Variants in EIF3K observed in about 807,000 individuals in gnomAD.
EIF3K encodes eIF-3 p28.
A neutral mutation model predicts 34.2 loss-of-function variants in EIF3K; 27 were observed. The ratio of observed to expected loss-of-function variants is 0.79; its 90% CI spans 0.58 to 1.09. The LOEUF is 1.09. Among genes scored for constraint, EIF3K ranks in the 50% least tolerant of loss-of-function variants. EIF3K has a pLI of 0.00. For synonymous variants in EIF3K, 105 were observed against 105.7 expected (o/e 0.99, Z 0.04); for missense variants, 232 against 275.4 (o/e 0.84, Z 1.11).
At chr19:38,630,362 T>C (rs1445426578) in intron 4 of EIF3K, among the ~76,000 whole-genome samples, 3 of 149,356 alleles carry the variant, frequency 2.0e-5, no homozygotes. Flanking sequence ...TTTTTTTTTT[T>C]GAGATGGAGT....
At chr19:38,631,189 A>G (rs1459674725) in intron 4 of EIF3K, among the ~76,000 whole-genome samples, 1 of 152,164 alleles carries the variant, frequency 6.6e-6, no homozygotes, top group African/African-American at 2.4e-5. Context: ...CGTTAGGTGG[A>G]ATGAGAGACT....
intron 4 of EIF3K, among the ~76,000 whole-genome samples, chr19:38,630,343 A>ATTTT (rs200889380): frequency 1.7e-4 from 22 of 131,768 alleles, no homozygotes; most frequent in South Asian, 5.0e-4. Context: ...TTATTTATTT[A>ATTTT]TTTATTTTTT....
At chr19:38,624,012 G>A (rs1975896172) in intron 2 of EIF3K, 65 bp from the exon 3 acceptor site, 1 of 1,608,486 alleles carries the variant, frequency 6.2e-7, no homozygotes, top group Non-Finnish European at 8.5e-7. Context: ...CAGCTGCCTG[G>A]CACCTGGTGA....
intron 2 of EIF3K, among the ~76,000 whole-genome samples, chr19:38,623,622 T>C (rs1267029855): frequency 2.8e-5 from 4 of 143,702 alleles, no homozygotes; most frequent in Non-Finnish European, 4.6e-5. Context: ...CGCCACCTTC[T>C]GTTGTCCTCT....
intron 2 of EIF3K, among the ~76,000 whole-genome samples, chr19:38,621,201 A>T (rs1283927074): frequency 7.1e-6 from 1 of 140,284 alleles, no homozygotes; most frequent in Non-Finnish European, 1.6e-5. Flanking sequence ...TCTTTTTAAA[A>T]AAAAAAAAAA....
chr19:38,624,142 C>T lies in EIF3K; in HGVS notation c.224C>T (p.Thr75Ile). The T allele has an allele frequency of 1.2e-6, 2 of 1,614,202 alleles. No homozygotes were observed. Among genetic ancestry groups the T allele is most frequent in the Non-Finnish European group, 1.7e-6 (2 of 1,180,032 alleles). ...VTAQILLKAL[T>I]NLPHTDFTLC... ...GCCCAGATCCTGCTGAAGGCCCTCA[C>T]CAACTTGCCGCACACAGACTTCACC... Residue 75 changes from threonine to isoleucine, a missense_variant, in exon 3 of 8, where the codon ACC (threonine) becomes ATC (isoleucine). Coordinates refer to ENST00000248342, the MANE Select transcript of EIF3K (RefSeq NM_013234.4).
chr19:38,632,031 C>T (rs148778255), intron 4 of EIF3K: 6,539 of 203,102 alleles, frequency 0.032, 148 homozygotes, highest in Admixed American at 0.07. Flanking sequence ...AATGGAGTCT[C>T]CTGTGTCTAC....
chr19:38,620,272 C>A, intron 1 of EIF3K, 65 bp from the exon 2 acceptor site: 4 of 1,405,752 alleles, frequency 2.8e-6, no homozygotes, highest in East Asian at 2.4e-5. Flanking sequence ...TGGCCCCTTG[C>A]TCCATAAGGT....
intron 7 of EIF3K, among the ~76,000 whole-genome samples, chr19:38,636,464 C>A (rs1019849127): frequency 6.6e-6 from 1 of 152,130 alleles, no homozygotes; most frequent in African/African-American, 2.4e-5. Flanking sequence ...GCCTGGGCAA[C>A]AGAATGAGAC....
At chr19:38,634,659 A>G (rs1599741060) in intron 6 of EIF3K, among the ~76,000 whole-genome samples, 1 of 152,258 alleles carries the variant, frequency 6.6e-6, no homozygotes, top group African/African-American at 2.4e-5. Flanking sequence ...CAACCGTTTC[A>G]TATAGGTTGT....
chr19:38,632,285 G>T (rs1347487529), intron 4 of EIF3K, 145 bp from the exon 5 acceptor site: 13 of 718,964 alleles, frequency 1.8e-5, no homozygotes, highest in South Asian at 7.1e-5. Context: ...TAGCACTTTG[G>T]GGGGCTGAGG....
intron 2 of EIF3K, among the ~76,000 whole-genome samples, chr19:38,621,900 GC>G: frequency 7.1e-6 from 1 of 141,364 alleles, no homozygotes; most frequent in African/African-American, 2.7e-5. Context: ...GGTTCTTCGT[GC>G]CCTTTTTTTT....
At position 38,620,500 on chromosome 19, in the gene EIF3K, A is replaced by G. The variant is rs939228147; in HGVS notation, c.158+65A>G. On this transcript the variant is annotated intron_variant, in intron 2 of 7. Coordinates refer to ENST00000248342, the MANE Select transcript of EIF3K (RefSeq NM_013234.4). The stretch of plus-strand genomic sequence containing the variant: ...ACTAGCAGGGTGCCACTCCCAGTAC[A>G]GGGCAAGGGGGTGGCTGGTAGTATC... 2.2e-5 allele frequency: 31 copies of G among 1,382,632 alleles called. No individual in the cohort carries two copies. The South Asian group carries it at 3.6e-4, about 16-fold the overall frequency. 85.6% of individuals were successfully genotyped at this position (1,382,632 alleles called of 1,614,324 possible). A position where few individuals can be genotyped will look rare whatever the true frequency, so the allele number is the denominator to read the frequency against.
chr19:38,620,362 C>G lies in EIF3K; in HGVS notation c.85C>G (p.Leu29Val). The G allele has an allele frequency of 6.2e-7, 1 of 1,614,042 alleles. No homozygotes were observed. The highest frequency in any genetic ancestry group is 8.5e-7 in the Non-Finnish European group (1 of 1,179,998). ...GTACAATCCTGAGAACCTGGCCACC[C>G]TGGAGCGCTATGTAGAGACGCAGGC... ...DRYNPENLAT[L>V]ERYVETQAKE... is the part of the protein sequence containing the mutation. The change falls in exon 2 of 8, where the codon CTG becomes GTG. Residue 29 changes from leucine to valine, a missense_variant. Coordinates refer to ENST00000248342, the MANE Select transcript of EIF3K (RefSeq NM_013234.4).
chr19:38,626,883 T>C (rs1292220219), intron 4 of EIF3K, among the ~76,000 whole-genome samples: 1 of 152,230 alleles, frequency 6.6e-6, no homozygotes, highest in African/African-American at 2.4e-5. Context: ...CTTGGCTCAC[T>C]GCAACCTCTG....
chr19:38,622,130 CCTT>C (rs1305542836), intron 2 of EIF3K, among the ~76,000 whole-genome samples: 10 of 149,772 alleles, frequency 6.7e-5, no homozygotes, highest in African/African-American at 2.0e-4. Flanking sequence ...CAGGGTCTCA[CCTT>C]CTTGCCCAGG....
At chr19:38,626,763 A>G (rs934347902) in intron 4 of EIF3K, among the ~76,000 whole-genome samples, 4 of 151,984 alleles carry the variant, frequency 2.6e-5, no homozygotes, top group South Asian at 2.1e-4. Flanking sequence ...CCTGGCTCCT[A>G]TCTCTTCTGA....
intron 3 of EIF3K, among the ~76,000 whole-genome samples, chr19:38,625,009 G>C (rs975031968): frequency 1.3e-5 from 2 of 152,046 alleles, no homozygotes; most frequent in Non-Finnish European, 2.9e-5. Context: ...AAAACATAAC[G>C]AGTTAGGTGG....
Position 38,625,949 on chromosome 19 carries a change from G to A in EIF3K, c.280-79G>A, listed in dbSNP as rs560807125. Reference sequence around the variant, plus strand: ...AAGCTTTGGAAGAAAGCAGCCAGAAGAAGGTAGGTGGGGAGGGGTGATCTG... The same window carrying A: ...AAGCTTTGGAAGAAAGCAGCCAGAAAAAGGTAGGTGGGGAGGGGTGATCTG... On this transcript the variant is annotated intron_variant, in intron 3 of 7. Transcript: ENST00000248342. 8 of 1,311,574 alleles carry A rather than the reference G, an allele frequency of 6.1e-6. No homozygotes were observed. In the African/African-American group the frequency reaches 8.7e-5, roughly 14 times the overall value. 81.2% of individuals were successfully genotyped at this position (1,311,574 alleles called of 1,614,324 possible). A position where few individuals can be genotyped will look rare whatever the true frequency, so the allele number is the denominator to read the frequency against.
Sources: gnomAD v4.1 joint callset for allele counts (sites outside exome capture counted in the v4.1 genomes callset) on GRCh38, gnomAD v4.1.1 for gene constraint, MANE v1.5 for transcripts, NCBI Gene and HGNC (gene_info 2026-07-23, HGNC 2026-07-21) for gene names.